The following AGBL4 variants were observed in gnomAD, a reference collection of about 807,000 sequenced individuals.
AGBL4 encodes cytosolic carboxypeptidase 6.
A neutral mutation model predicts 66.4 loss-of-function variants in AGBL4; 58 were observed. The observed-to-expected ratio is 0.87, with a 90% CI of 0.71 to 1.09. AGBL4 has a LOEUF of 1.09. AGBL4 is among the 50% of genes least tolerant of loss of function. The probability of loss-of-function intolerance (pLI) is 0.00; values close to 1 mark genes in which losing one functional copy is unlikely to be tolerated. For missense variants in AGBL4, 579 were observed against 631.0 expected (o/e 0.92, Z 0.88); for synonymous variants, 234 against 222.9 (o/e 1.05, Z -0.44).
At chr1:49,079,758 G>A (rs964222960) in intron 4 of AGBL4, among the ~76,000 whole-genome samples, 49 of 152,062 alleles carry the variant, frequency 3.2e-4, no homozygotes, top group African/African-American at 1.1e-3. Flanking sequence ...TATGAGAGAG[G>A]GAATGAATCT....
intron 3 of AGBL4, among the ~76,000 whole-genome samples, chr1:49,650,058 T>C (rs1355002391): frequency 6.6e-6 from 1 of 152,226 alleles, no homozygotes; most frequent in African/African-American, 2.4e-5. Flanking sequence ...AAATCAATCA[T>C]CTATGTTTTC....
At chr1:48,713,525 G>A (rs905664954) in intron 6 of AGBL4, among the ~76,000 whole-genome samples, 3 of 152,206 alleles carry the variant, frequency 2.0e-5, no homozygotes, top group Non-Finnish European at 2.9e-5. Flanking sequence ...GGGGTCACAG[G>A]ATGAAGGGTA....
chr1:49,182,187 A>C (rs1032547184), intron 4 of AGBL4, among the ~76,000 whole-genome samples: 4 of 152,210 alleles, frequency 2.6e-5, no homozygotes, highest in Non-Finnish European at 5.9e-5. Context: ...CATCCTTAGA[A>C]GTGGATCCTG....
chr1:49,830,049 C>T (rs552956291), intron 2 of AGBL4, among the ~76,000 whole-genome samples: 176 of 152,300 alleles, frequency 1.2e-3, no homozygotes, highest in Admixed American at 3.2e-3. Flanking sequence ...CAAGTCTTTG[C>T]TATTGTGAAC....
chr1:49,132,830 G>A (rs779405193), intron 4 of AGBL4, among the ~76,000 whole-genome samples: 1 of 152,134 alleles, frequency 6.6e-6, no homozygotes, highest in Non-Finnish European at 1.5e-5. Flanking sequence ...AGACAGTGTG[G>A]CAATTCCTCA....
intron 6 of AGBL4, among the ~76,000 whole-genome samples, chr1:48,816,517 A>C (rs1435478707): frequency 1.3e-5 from 2 of 152,224 alleles, no homozygotes; most frequent in Non-Finnish European, 2.9e-5. Context: ...CCTTTTAACC[A>C]GATAACTACA....
At position 49,792,822 on chromosome 1, in the gene AGBL4, G is replaced by A. The variant is rs138421342; in HGVS notation, c.157+58574C>T. 3.5e-4 allele frequency among the ~76,000 whole-genome samples: 53 copies of A among 152,102 alleles called. 1 individual carries two copies. The highest frequency in any genetic ancestry group is 1.0e-3 in the African/African-American group (42 of 41,554). On this transcript the variant is annotated intron_variant, in intron 2 of 13. Transcript: ENST00000371839. The stretch of plus-strand genomic sequence containing the variant: ...GAGGAATATAGTAGAAATTCAGTAG[G>A]TATAGGCGTAAAACAGACTTAAGCT...
intron 3 of AGBL4, among the ~76,000 whole-genome samples, chr1:49,444,321 T>A (rs1557946384): frequency 6.6e-6 from 1 of 152,098 alleles, no homozygotes; most frequent in South Asian, 2.1e-4. Context: ...TTGTTGATTT[T>A]CTGTCTAGAT....
chr1:48,627,481 C>T (rs1336328999), intron 9 of AGBL4, among the ~76,000 whole-genome samples: 3 of 151,426 alleles, frequency 2.0e-5, no homozygotes, highest in African/African-American at 7.3e-5. Flanking sequence ...GTTATTTGAC[C>T]ATGTCACCAG....
intron 1 of AGBL4, among the ~76,000 whole-genome samples, chr1:49,876,479 G>A (rs1395392149): frequency 1.4e-4 from 6 of 41,990 alleles, no homozygotes; most frequent in African/African-American, 5.1e-4. Context: ...GGTATGTGGC[G>A]TTATTTCTGA....
intron 2 of AGBL4, among the ~76,000 whole-genome samples, chr1:49,759,111 C>A (rs994401431): frequency 2.0e-5 from 3 of 152,112 alleles, no homozygotes; most frequent in African/African-American, 7.2e-5. Flanking sequence ...GTAAGACATG[C>A]CTGCTTCCCC....
intron 5 of AGBL4, among the ~76,000 whole-genome samples, chr1:48,893,981 G>A (rs1651257344): frequency 6.6e-6 from 1 of 152,210 alleles, no homozygotes; most frequent in South Asian, 2.1e-4. Context: ...AGCAAGAGGA[G>A]AAGGAACCTG....
chr1:49,295,362 A>G (rs1557815313), intron 3 of AGBL4, among the ~76,000 whole-genome samples: 1 of 152,188 alleles, frequency 6.6e-6, no homozygotes. Context: ...GAAAGGACCA[A>G]TGCCAGCCTG....
intron 4 of AGBL4, among the ~76,000 whole-genome samples, chr1:49,107,509 C>T (rs1314133195): frequency 6.6e-6 from 1 of 152,152 alleles, no homozygotes; most frequent in East Asian, 1.9e-4. Flanking sequence ...GTCTTAAGAG[C>T]AGGTGTGACT....
intron 5 of AGBL4, among the ~76,000 whole-genome samples, chr1:48,991,680 T>C (rs895360483): frequency 6.6e-6 from 1 of 152,064 alleles, no homozygotes; most frequent in African/African-American, 2.4e-5. Context: ...TCTTTTTCTC[T>C]CTTTTGTCTC....
chr1:48,904,338 A>G (rs1431399916), intron 5 of AGBL4, among the ~76,000 whole-genome samples: 1 of 152,204 alleles, frequency 6.6e-6, no homozygotes, highest in Non-Finnish European at 1.5e-5. Flanking sequence ...TAACTTATCT[A>G]TGAAAGAAAC....
chr1:48,591,114 A>ACAC, intron 9 of AGBL4, 129 bp from the exon 10 acceptor site: 1 of 720,480 alleles, frequency 1.4e-6, no homozygotes, highest in Non-Finnish European at 2.1e-6. Flanking sequence ...ACACACACAC[A>ACAC]TCAAGCTGAC....
chr1:49,852,242 C>T (rs1401948410), intron 1 of AGBL4, among the ~76,000 whole-genome samples: 2 of 152,074 alleles, frequency 1.3e-5, no homozygotes, highest in Admixed American at 1.3e-4. Flanking sequence ...AAAGTCAAGC[C>T]TCACCAAAAA....
At chr1:49,282,744 C>A (rs1182440967) in intron 3 of AGBL4, among the ~76,000 whole-genome samples, 1 of 152,142 alleles carries the variant, frequency 6.6e-6, no homozygotes, top group East Asian at 1.9e-4. Flanking sequence ...CTTTACGAGT[C>A]AAAGAAAGGG....
Sources: allele counts gnomAD v4.1 joint callset (sites outside exome capture counted in the v4.1 genomes callset), GRCh38; gene constraint gnomAD v4.1.1; transcripts MANE v1.5; gene names NCBI Gene and HGNC (gene_info 2026-07-23, HGNC 2026-07-21).